The following CUL7 variants were observed in gnomAD, a reference collection of about 807,000 sequenced individuals.
The protein encoded by CUL7 is cullin 7.
In CUL7, 96 loss-of-function variants were observed where a neutral mutation model predicts 177.7. The observed-to-expected ratio is 0.54, with a 90% CI of 0.46 to 0.64. The LOEUF (loss-of-function observed/expected upper bound fraction) is 0.64, where lower values mean the gene tolerates loss of function less well. Ranked by LOEUF, CUL7 falls within the 30% of genes least tolerant of loss-of-function variation. The pLI is 0.00. For synonymous variants in CUL7, 824 were observed against 890.2 expected (o/e 0.93, Z 1.32); for missense variants, 1,893 against 2,187.9 (o/e 0.87, Z 2.69).
chr6:43,038,286 A>C lies in CUL7; in HGVS notation c.4754T>G (p.Ile1585Ser). Residue 1585 changes from isoleucine (I) to serine (S), a missense_variant, in exon 25 of 26, where the codon ATT becomes AGT. Physicochemically the swap from Ile to Ser is moderately radical, Grantham distance 142. Around this residue, in one of 5 missense-constraint regions of CUL7, gnomAD observed 248 missense variants for 262.5 expected, o/e 0.94. Coordinates refer to ENST00000265348, the MANE Select transcript of CUL7 (RefSeq NM_014780.5). Reference sequence around the variant, plus strand: ...GCCTACCAGACAGACAAGCTGGTCAATGTGCAGCCCCTCATCTCCATGGGC... The same window carrying C: ...GCCTACCAGACAGACAAGCTGGTCACTGTGCAGCCCCTCATCTCCATGGGC... Reference protein sequence around the residue: ...LKAHGDEGLHIDQLVCLVLEA... With the variant: ...LKAHGDEGLHSDQLVCLVLEA... The C allele has an allele frequency of 6.2e-7, 1 of 1,614,126 alleles. No homozygotes were observed. Among genetic ancestry groups the C allele is most frequent in the East Asian group, 2.2e-5 (1 of 44,888 alleles).
rs947813085 is a variant in CUL7 at position 43,050,080 on chromosome 6, C to T, written c.1452G>A (p.Glu484=). The stretch of plus-strand genomic sequence containing the variant: ...CAGCCAGGGTCAGGTGTTCACACTC[C>T]TCAGTGTCCTCATCCTCAGGCAGCA... ...PYVLPEDEDT[E]ECEHLTLAEW... The change falls in exon 6 of 26, where the codon GAG becomes GAA. Residue 484 remains glutamate, a synonymous_variant. Transcript: ENST00000265348. The surrounding 1 kb of genome is among the most constrained non-coding windows in gnomAD (Gnocchi z 4.1). 2 of 1,614,216 alleles carry T rather than the reference C, an allele frequency of 1.2e-6. No individual in the cohort carries two copies. Among genetic ancestry groups the T allele is most frequent in the Non-Finnish European group, 1.7e-6 (2 of 1,180,042 alleles).
Position 43,052,329 on chromosome 6 carries a change from T to C in CUL7, c.460A>G (p.Thr154Ala). The C allele has an allele frequency of 6.2e-7, 1 of 1,614,176 alleles. No individual in the cohort carries two copies. Among genetic ancestry groups the C allele is most frequent in the Non-Finnish European group, 8.5e-7 (1 of 1,180,000 alleles). The change falls in exon 2 of 26, where the codon ACT becomes GCT. Residue 154 changes from threonine (T) to alanine (A), a missense_variant. This residue lies in a region of CUL7 where 653 missense variants were observed against 725.2 expected (regional missense o/e 0.90). Transcript: ENST00000265348. This position sits in a 1 kb window ranked among gnomAD's most constrained non-coding sequence, Gnocchi z 4.5. ...LSAYASIEPLTGVFKDPRVLD... is the reference protein window; with the variant it reads ...LSAYASIEPLAGVFKDPRVLD... ...ACCCTTGGGTCCTTGAATACTCCAG[T>C]GAGGGGCTCAATGCTGGCATAGGCG...
At chr6:43,049,853 C>T in intron 6 of CUL7, 110 bp downstream of exon 6, 2 of 1,361,696 alleles carry the variant, frequency 1.5e-6, no homozygotes, top group Middle Eastern at 2.5e-4. Flanking sequence ...TCTGCAGCCC[C>T]TTCCACTCTC....
At chr6:43,047,184 ACTGTGTACT>A in intron 9 of CUL7, 77 bp from the exon 10 acceptor site, 3 of 829,700 alleles carry the variant, frequency 3.6e-6, no homozygotes, top group East Asian at 2.4e-5. Context: ...GCAGGTACCC[ACTGTGTACT>A]CTGTGTACTG....
Position 43,043,642 on chromosome 6 carries a change from G to A in CUL7, c.3173-12C>T. The stretch of plus-strand genomic sequence containing the variant: ...AATGCCATCCTCATCTAGAGGGTGA[G>A]ATAAACAAACCAAGGCACAGCCATG... On this transcript the variant is annotated splice_polypyrimidine_tract_variant and intron_variant, in intron 16 of 25. Coordinates refer to ENST00000265348, the MANE Select transcript of CUL7 (RefSeq NM_014780.5). The surrounding 1 kb of genome is among the most constrained non-coding windows in gnomAD (Gnocchi z 4.2). 1 of 1,578,796 alleles carries A rather than the reference G, an allele frequency of 6.3e-7. No homozygotes were observed. Among genetic ancestry groups the A allele is most frequent in the Non-Finnish European group, 8.6e-7 (1 of 1,157,172 alleles).
At position 43,051,746 on chromosome 6, in the gene CUL7, G is replaced by C; in HGVS notation, c.598C>G (p.Leu200Val). The C allele has an allele frequency of 6.2e-7, 1 of 1,614,102 alleles. No individual in the cohort carries two copies. Among genetic ancestry groups the C allele is most frequent in the Non-Finnish European group, 8.5e-7 (1 of 1,180,014 alleles). Residue 200 changes from leucine to valine, a missense_variant, in exon 3 of 26, where the codon CTT becomes GTT. Transcript: ENST00000265348. This position sits in a 1 kb window ranked among gnomAD's most constrained non-coding sequence, Gnocchi z 5.0. ...SHDAGTRTQI[L>V]LSLSQQEAIE... Reference sequence around the variant, plus strand: ...GCTTCTTGTTGGCTCAGTGACAGAAGGATCTGAGTCCGGGTCCCTGTAACC... The same window carrying C: ...GCTTCTTGTTGGCTCAGTGACAGAACGATCTGAGTCCGGGTCCCTGTAACC...
rs1228984654 is a variant in CUL7, at chr6:43,037,849, A to G, written c.4936T>C (p.Tyr1646His). ...RHDDRPQVLS[Y>H]AVPVTVMEPH... is the part of the protein sequence containing the mutation. ...TCCATGACAGTCACAGGGACTGCAT[A>G]GGACAGCACCTGGGGCCGGTCGTCA... The change falls in exon 26 of 26, where the codon TAT becomes CAT. Residue 1646 changes from tyrosine (Y) to histidine (H), a missense_variant. By Grantham distance (83) the Tyr-to-His change is moderately conservative. Coordinates refer to ENST00000265348, the MANE Select transcript of CUL7 (RefSeq NM_014780.5). 1.2e-6 allele frequency: 2 copies of G among 1,613,360 alleles called. No homozygotes were observed. The highest frequency in any genetic ancestry group is 3.3e-5 in the Admixed American group (2 of 59,894).
At position 43,045,118 on chromosome 6, in the gene CUL7, C is replaced by T. The variant is rs57516312; in HGVS notation, c.3038+109G>A. 6,530 of 1,430,016 alleles carry T rather than the reference C, an allele frequency of 4.6e-3. 224 individuals are homozygous for T. In the African/African-American group the frequency reaches 0.08, roughly 18 times the overall value. The allele number at this position is 1,430,016 out of a possible 1,614,324, so 88.6% of individuals were successfully genotyped here. On this transcript the variant is annotated intron_variant, in intron 15 of 25. Transcript: ENST00000265348. This position sits in a 1 kb window ranked among gnomAD's most constrained non-coding sequence, Gnocchi z 4.8. ...TCAGAAAACTCCAGCCCCCTCCCCACGCATATTAAACCTCCATCTCACAGC... is the reference window on the plus strand; with the variant it reads ...TCAGAAAACTCCAGCCCCCTCCCCATGCATATTAAACCTCCATCTCACAGC...
chr6:43,048,373 G>T lies in CUL7; in HGVS notation c.2022C>A (p.Asp674Glu). Residue 674 changes from aspartate to glutamate, a missense_variant, in exon 8 of 26, where the codon GAC (aspartate) becomes GAA (glutamate). Coordinates refer to ENST00000265348, the MANE Select transcript of CUL7 (RefSeq NM_014780.5). ...QPFLALMQSL[D>E]TPETNRTLHL... ...GCAGGGTCCTGTTAGTCTCCGGAGT[G>T]TCCAGGCTCTGCATCAGTGCCAGGA... is the stretch of plus-strand genomic sequence containing the variant. The T allele has an allele frequency of 1.2e-6, 2 of 1,613,186 alleles. No homozygotes were observed. The highest frequency in any genetic ancestry group is 1.7e-6 in the Non-Finnish European group (2 of 1,179,114).
Position 43,053,593 on chromosome 6 carries a change from G to A in CUL7, c.-9+29C>T, listed in dbSNP as rs1764643070. 2 of 1,324,940 alleles carry A rather than the reference G, an allele frequency of 1.5e-6. No homozygotes were observed. The highest frequency in any genetic ancestry group is 1.5e-5 in the African/African-American group (1 of 64,520). 82.1% of individuals were successfully genotyped at this position (1,324,940 alleles called of 1,614,324 possible). A position where few individuals can be genotyped will look rare whatever the true frequency, so the allele number is the denominator to read the frequency against. Reference sequence around the variant, plus strand: ...TGGGCTAGTGGGCAGGGAAGGAGAAGCAAGGGGCCGCGGTGGGGCTCTGGC... The same window carrying A: ...TGGGCTAGTGGGCAGGGAAGGAGAAACAAGGGGCCGCGGTGGGGCTCTGGC... On this transcript the variant is annotated intron_variant, in intron 1 of 25. Transcript: ENST00000265348. This position sits in a 1 kb window ranked among gnomAD's most constrained non-coding sequence, Gnocchi z 4.1.
At chr6:43,046,121 A>T in intron 12 of CUL7, 30 bp from the exon 13 acceptor site, 1 of 1,612,740 alleles carries the variant, frequency 6.2e-7, no homozygotes, top group Non-Finnish European at 8.5e-7. Flanking sequence ...ACCATTTGGA[A>T]CTTGTAGACA....
chr6:43,041,195 G>T, intron 19 of CUL7, 120 bp from the exon 20 acceptor site: 1 of 875,036 alleles, frequency 1.1e-6, no homozygotes, highest in Non-Finnish European at 1.9e-6. Context: ...GGTGGTTGGT[G>T]CTTTCATACA....
Position 43,050,828 on chromosome 6 carries a change from T to C in CUL7, c.1233+140A>G. 2 of 1,129,752 alleles carry C rather than the reference T, an allele frequency of 1.8e-6. No individual in the cohort carries two copies. Among genetic ancestry groups the C allele is most frequent in the Non-Finnish European group, 2.6e-6 (2 of 783,876 alleles). The allele number at this position is 1,129,752 out of a possible 1,614,324, so 70.0% of individuals were successfully genotyped here. A position where few individuals can be genotyped will look rare whatever the true frequency, so the allele number is the denominator to read the frequency against. On this transcript the variant is annotated intron_variant, in intron 4 of 25. Coordinates refer to ENST00000265348, the MANE Select transcript of CUL7 (RefSeq NM_014780.5). This position sits in a 1 kb window ranked among gnomAD's most constrained non-coding sequence, Gnocchi z 4.1. ...CTCTCAGAATGGCCCCCCTCTCAAC[T>C]ACTGACTCTTTTCACCATTCCAATC...
Position 43,049,440 on chromosome 6 carries a change from C to T in CUL7, c.1792G>A (p.Ala598Thr). The T allele has an allele frequency of 1.2e-6, 2 of 1,614,240 alleles. No individual in the cohort carries two copies. Among genetic ancestry groups the T allele is most frequent in the Non-Finnish European group, 1.7e-6 (2 of 1,180,044 alleles). ...TTGGCTGCATCTTCTGAGTCCTTAG[C>T]CTGGGCCTGCGCGTCTAGCAGGAGG... ...DVLLLDAQAQ[A>T]KDSEDAAKVE... Residue 598 changes from alanine to threonine, a missense_variant, in exon 7 of 26, where the codon GCT (alanine) becomes ACT (threonine). Ala to Thr is a moderately conservative substitution (Grantham distance 58, BLOSUM62 0). Coordinates refer to ENST00000265348, the MANE Select transcript of CUL7 (RefSeq NM_014780.5).
intron 16 of CUL7, 116 bp downstream of exon 16, chr6:43,044,636 G>T: frequency 7.1e-7 from 1 of 1,407,210 alleles, no homozygotes; most frequent in Non-Finnish European, 9.6e-7. Context: ...GATTACAAAT[G>T]CAGGTGCCAA....
At position 43,052,109 on chromosome 6, in the gene CUL7, G is replaced by C. The variant is rs750321465; in HGVS notation, c.580+100C>G. 2 of 1,557,596 alleles carry C rather than the reference G, an allele frequency of 1.3e-6. No individual in the cohort carries two copies. Among genetic ancestry groups the C allele is most frequent in the South Asian group, 1.2e-5 (1 of 85,682 alleles). On this transcript the variant is annotated intron_variant, in intron 2 of 25. Coordinates refer to ENST00000265348, the MANE Select transcript of CUL7 (RefSeq NM_014780.5). This position sits in a 1 kb window ranked among gnomAD's most constrained non-coding sequence, Gnocchi z 4.5. ...AGAGAAGGGCAACAGAATCATTTAC[G>C]TACTGATGAGATCAGAGGCTCCTGC... is the stretch of plus-strand genomic sequence containing the variant.
chr6:43,044,544 C>T (rs1763724086), intron 16 of CUL7, among the ~76,000 whole-genome samples: 1 of 151,858 alleles, frequency 6.6e-6, no homozygotes. Flanking sequence ...TAACAAGGCA[C>T]CTCCAGCACT....
intron 19 of CUL7, among the ~76,000 whole-genome samples, chr6:43,041,533 G>A (rs1049877638): frequency 6.6e-6 from 1 of 152,180 alleles, no homozygotes; most frequent in African/African-American, 2.4e-5. Context: ...AGCCCAAGAG[G>A]TTGAGGCCGC....
At position 43,053,575 on chromosome 6, in the gene CUL7, G is replaced by T. The variant is rs1343458358; in HGVS notation, c.-9+47C>A. 4 of 1,252,942 alleles carry T rather than the reference G, an allele frequency of 3.2e-6. No homozygotes were observed. In the East Asian group the frequency reaches 1.2e-4, roughly 38 times the overall value. 77.6% of individuals were successfully genotyped at this position (1,252,942 alleles called of 1,614,324 possible). A position where few individuals can be genotyped will look rare whatever the true frequency, so the allele number is the denominator to read the frequency against. On this transcript the variant is annotated intron_variant, in intron 1 of 25. Coordinates refer to ENST00000265348, the MANE Select transcript of CUL7 (RefSeq NM_014780.5). This position sits in a 1 kb window ranked among gnomAD's most constrained non-coding sequence, Gnocchi z 4.1. ...GGTGAGCGCGAGGCTCGATGGGCTA[G>T]TGGGCAGGGAAGGAGAAGCAAGGGG...
Sources: allele counts gnomAD v4.1 joint callset (sites outside exome capture counted in the v4.1 genomes callset), GRCh38; gene constraint gnomAD v4.1.1; regional missense constraint gnomAD v4.1.1; non-coding constraint Gnocchi (gnomAD v3.1); transcripts MANE v1.5; gene names NCBI Gene and HGNC (gene_info 2026-07-23, HGNC 2026-07-21).